The following NAF1 variants were observed in gnomAD, a reference collection of about 807,000 sequenced individuals.
The protein encoded by NAF1 is H/ACA ribonucleoprotein complex non-core subunit NAF1.
Under a neutral mutation model 40.6 loss-of-function variants are expected in NAF1, and 11 were observed. The ratio of observed to expected loss-of-function variants is 0.27; its 90% CI spans 0.17 to 0.45. The LOEUF (loss-of-function observed/expected upper bound fraction) is 0.45, where lower values mean the gene tolerates loss of function less well. NAF1 is among the 20% of genes least tolerant of loss of function. The pLI is 1.00. For synonymous variants in NAF1, 260 were observed against 228.5 expected (o/e 1.14, Z -1.24); for missense variants, 607 against 611.1 (o/e 0.99, Z 0.07).
chr4:163,145,142 T>C (rs577812401), intron 4 of NAF1, among the ~76,000 whole-genome samples: 1 of 152,288 alleles, frequency 6.6e-6, no homozygotes, highest in South Asian at 2.1e-4. Flanking sequence ...TGCCAACCAG[T>C]CAGAATTGCC....
intron 7 of NAF1, among the ~76,000 whole-genome samples, chr4:163,131,281 C>T (rs1225684907): frequency 1.3e-5 from 2 of 152,126 alleles, no homozygotes; most frequent in East Asian, 1.9e-4. Flanking sequence ...TTCTGCTCCA[C>T]GAAAGATACT....
chr4:163,112,670 C>CT (rs1364680100), intron 2 of NAF1, among the ~76,000 whole-genome samples: 1 of 152,132 alleles, frequency 6.6e-6, no homozygotes, highest in African/African-American at 2.4e-5. Flanking sequence ...TGGAAGATAT[C>CT]TGCTAACCCC....
chr4:163,126,895 C>T (rs1730671741), downstream of NAF1: 5 of 1,456,470 alleles, frequency 3.4e-6, no homozygotes, highest in South Asian at 5.7e-5. Flanking sequence ...TAACTCACTG[C>T]AGGCTCAAAG....
At chr4:163,161,018 C>CAAA (rs796248441) in intron 2 of NAF1, among the ~76,000 whole-genome samples, 2 of 59,676 alleles carry the variant, frequency 3.4e-5, no homozygotes, top group African/African-American at 5.8e-5. Flanking sequence ...TGTCATTTTC[C>CAAA]AAAAAAAAAA....
intron 4 of NAF1, among the ~76,000 whole-genome samples, chr4:163,145,047 C>G (rs1159230177): frequency 1.3e-5 from 2 of 152,076 alleles, no homozygotes; most frequent in Non-Finnish European, 2.9e-5. Context: ...TGGGGAATAT[C>G]AAGGTGAATA....
intron 2 of NAF1, among the ~76,000 whole-genome samples, chr4:163,152,315 C>G (rs1157723873): frequency 6.6e-6 from 1 of 152,224 alleles, no homozygotes; most frequent in East Asian, 1.9e-4. Flanking sequence ...ACGTAATTTC[C>G]TGTAAGTTGA....
At chr4:163,116,716 A>G (rs989520761) in intron 2 of NAF1, among the ~76,000 whole-genome samples, 1 of 152,194 alleles carries the variant, frequency 6.6e-6, no homozygotes, top group Non-Finnish European at 1.5e-5. Flanking sequence ...TAACCTATAC[A>G]AGTCTTCACT....
intron 7 of NAF1, among the ~76,000 whole-genome samples, chr4:163,132,440 C>T (rs1353277851): frequency 6.6e-6 from 1 of 152,198 alleles, no homozygotes; most frequent in African/African-American, 2.4e-5. Context: ...TGCACAGATA[C>T]TACGCTCAGT....
At chr4:163,157,661 C>A (rs151281188) in intron 2 of NAF1, among the ~76,000 whole-genome samples, 50 of 152,126 alleles carry the variant, frequency 3.3e-4, no homozygotes, top group Non-Finnish European at 6.9e-4. Flanking sequence ...CCTAACCACA[C>A]TTCTGGAATA....
In NAF1 at chr4:163,137,256, TG is replaced by T. The variant is rs1560790114; in HGVS notation, c.879-7del. On this transcript the variant is annotated splice_polypyrimidine_tract_variant and splice_region_variant and intron_variant, in intron 5 of 7. Coordinates refer to ENST00000274054, the MANE Select transcript of NAF1 (RefSeq NM_138386.3). ...ATGCATCTGATCCCTTATCCCTGAG[TG>T]GGGTGGGGATGGGAGTCAAAAAAGT... is the stretch of plus-strand genomic sequence containing the variant. 6.2e-7 allele frequency: 1 copy of T among 1,605,440 alleles called. No individual in the cohort carries two copies. Among genetic ancestry groups the T allele is most frequent in the South Asian group, 1.1e-5 (1 of 90,250 alleles).
chr4:163,153,391 A>G lies in NAF1; in HGVS notation c.541-4957T>C, dbSNP rs186322511. Among the ~76,000 whole-genome samples, 13 of 152,328 alleles carry G rather than the reference A, an allele frequency of 8.5e-5. No homozygotes were observed. The East Asian group carries it at 2.5e-3, about 29-fold the overall frequency. On this transcript the variant is annotated intron_variant, in intron 2 of 7. Transcript: ENST00000274054. ...ACACGCCAATCAGCACCCTGTGTTT[A>G]GCTCAAGGTTTGTAAGTGCACCAAT...
intron 2 of NAF1, among the ~76,000 whole-genome samples, chr4:163,163,897 C>T (rs13149471): frequency 0.028 from 4,199 of 151,764 alleles, 82 homozygotes; most frequent in Non-Finnish European, 0.039. Context: ...AATTTTCTGA[C>T]GTGCAGACCA....
rs76892880 is a variant in NAF1, at chr4:163,140,072, A to G, written c.878+151T>C. On this transcript the variant is annotated intron_variant, in intron 5 of 7. Transcript: ENST00000274054. Reference sequence around the variant, plus strand: ...AATTCTACGTACAAAATCTGAAAATAAATTGTAGGCTTCAAAGATATTATT... The same window carrying G: ...AATTCTACGTACAAAATCTGAAAATGAATTGTAGGCTTCAAAGATATTATT... 1.9e-3 allele frequency: 1,104 copies of G among 578,486 alleles called. 12 individuals are homozygous for G. Among genetic ancestry groups the G allele is most frequent in the African/African-American group, 0.019 (959 of 51,438 alleles). 35.8% of individuals were successfully genotyped at this position (578,486 alleles called of 1,614,324 possible). A position where few individuals can be genotyped will look rare whatever the true frequency, so the allele number is the denominator to read the frequency against.
intron 2 of NAF1, among the ~76,000 whole-genome samples, chr4:163,154,209 C>A (rs538974831): frequency 6.6e-6 from 1 of 152,344 alleles, no homozygotes; most frequent in South Asian, 2.1e-4. Flanking sequence ...CCTACCAATT[C>A]CGGACACACT....
chr4:163,135,837 G>T (rs1432812778), intron 6 of NAF1: 1 of 152,118 alleles, frequency 6.6e-6, no homozygotes, highest in Non-Finnish European at 1.5e-5. Flanking sequence ...AAAGAAATAT[G>T]ATTTGAGATG....
Position 163,166,646 on chromosome 4 carries a change from C to T in NAF1, c.82G>A (p.Ala28Thr). The T allele has an allele frequency of 1.2e-6, 2 of 1,613,126 alleles. No individual in the cohort carries two copies. Among genetic ancestry groups the T allele is most frequent in the African/African-American group, 2.7e-5 (2 of 75,068 alleles). Reference protein sequence around the residue: ...GTDFGVGEGPAAPSPGSAPVP... With the variant: ...GTDFGVGEGPTAPSPGSAPVP... Reference sequence around the variant, plus strand: ...GGGGCAGAGCCCGGAGACGGAGCCGCCGGACCTTCCCCAACTCCAAAGTCG... The same window carrying T: ...GGGGCAGAGCCCGGAGACGGAGCCGTCGGACCTTCCCCAACTCCAAAGTCG... Residue 28 changes from alanine (A) to threonine (T), a missense_variant, in exon 1 of 8, where the codon GCG becomes ACG. By Grantham distance (58) the Ala-to-Thr change is moderately conservative. Coordinates refer to ENST00000274054, the MANE Select transcript of NAF1 (RefSeq NM_138386.3).
chr4:163,136,493 T>C (rs899553017), intron 6 of NAF1, among the ~76,000 whole-genome samples: 2 of 151,604 alleles, frequency 1.3e-5, no homozygotes, highest in South Asian at 2.1e-4. Context: ...AAGAAATGAA[T>C]ATATTCATTG....
intron 3 of NAF1, among the ~76,000 whole-genome samples, chr4:163,146,974 G>A (rs1370883935): frequency 6.6e-6 from 1 of 151,946 alleles, no homozygotes; most frequent in African/African-American, 2.4e-5. Flanking sequence ...TCAACATTAT[G>A]ACCTAAAATT....
At position 163,166,562 on chromosome 4, in the gene NAF1, T is replaced by C. The variant is rs759245190; in HGVS notation, c.166A>G (p.Thr56Ala). The C allele has an allele frequency of 3.1e-6, 5 of 1,603,226 alleles. No individual in the cohort carries two copies. The South Asian group carries it at 5.6e-5, about 18-fold the overall frequency. ...TCCCCGGCAGGCTTAACCTCCACGG[T>C]CTGCCCAGCGTCCGGGGACCCCTCA... ...SFEGSPDAGQ[T>A]VEVKPAGEQP... Residue 56 changes from threonine to alanine, a missense_variant, in exon 1 of 8, where the codon ACC (threonine) becomes GCC (alanine). By Grantham distance (58) the Thr-to-Ala change is moderately conservative. This residue lies in a region of NAF1 where 407 missense variants were observed against 365.5 expected (regional missense o/e 1.11). Coordinates refer to ENST00000274054, the MANE Select transcript of NAF1 (RefSeq NM_138386.3).
Sources: gnomAD v4.1 joint callset for allele counts (sites outside exome capture counted in the v4.1 genomes callset) on GRCh38, gnomAD v4.1.1 for gene constraint, gnomAD v4.1.1 regional missense constraint, MANE v1.5 for transcripts, NCBI Gene and HGNC (gene_info 2026-07-23, HGNC 2026-07-21) for gene names.